The following AP5Z1 variants were observed in gnomAD, a reference collection of about 807,000 sequenced individuals.
The protein encoded by AP5Z1 is adaptor related protein complex 5 subunit zeta 1.
Under a neutral mutation model 83.0 loss-of-function variants are expected in AP5Z1, and 106 were observed. The observed-to-expected ratio is 1.28, with a 90% CI of 1.09 to 1.50. The LOEUF is 1.50. Ranked by LOEUF, AP5Z1 falls within the 40% of genes most tolerant of loss-of-function variation. The pLI is 0.00. For missense variants in AP5Z1, 1,565 were observed against 1,094.2 expected, an observed-to-expected ratio of 1.43 and a Z score of -6.07; for synonymous variants, 751 against 514.1, an observed-to-expected ratio of 1.46 and a Z score of -6.23.
At chr7:4,785,485 G>T in intron 8 of AP5Z1, 33 bp downstream of exon 8, 1 of 1,613,104 alleles carries the variant, frequency 6.2e-7, no homozygotes, top group Non-Finnish European at 8.5e-7. Context: ...ATGGGAGGCA[G>T]CGACTCGGCC....
In AP5Z1 at chr7:4,790,932, G is replaced by A. The variant is rs370333104; in HGVS notation, c.2153+45G>A. The stretch of plus-strand genomic sequence containing the variant: ...GCGAAGCCTTCTGGCTCCTGGGGAA[G>A]AGAGGTGGCTTCTGAGGTCTTCCCA... On this transcript the variant is annotated intron_variant, in intron 16 of 16. Coordinates refer to ENST00000649063, the MANE Select transcript of AP5Z1 (RefSeq NM_014855.3). The A allele has an allele frequency of 2.6e-6, 4 of 1,534,106 alleles. No individual in the cohort carries two copies. The South Asian group carries it at 3.7e-5, about 14-fold the overall frequency.
At chr7:4,785,752 C>T (rs1360093106) in intron 9 of AP5Z1, 68 bp downstream of exon 9, 40 of 1,119,006 alleles carry the variant, frequency 3.6e-5, no homozygotes, top group South Asian at 1.7e-4. Context: ...GATGGAATTT[C>T]TTCTTCCCTT....
chr7:4,781,384 G>A, intron 2 of AP5Z1, 72 bp downstream of exon 2: 1 of 1,603,604 alleles, frequency 6.2e-7, no homozygotes, highest in Non-Finnish European at 8.5e-7. Context: ...CGCCCAGCAG[G>A]TCACTGCAGA....
rs1275249251 is a variant in AP5Z1 at position 4,783,699 on chromosome 7, C to T, written c.522C>T (p.Thr174=). 7 of 1,550,570 alleles carry T rather than the reference C, an allele frequency of 4.5e-6. No homozygotes were observed. In the Admixed American group the frequency reaches 7.8e-5, roughly 17 times the overall value. ...SPGTLQEDQA[T]LLSKRLVDWL... is the part of the protein sequence containing the mutation. Reference sequence around the variant, plus strand: ...CCCCACCCACTGCAGACCAGGCCACCCTGCTCAGCAAGCGGCTGGTCGACT... The same window carrying T: ...CCCCACCCACTGCAGACCAGGCCACTCTGCTCAGCAAGCGGCTGGTCGACT... The change falls in exon 5 of 17, where the codon ACC becomes ACT. Residue 174 remains threonine, a synonymous_variant. Coordinates refer to ENST00000649063, the MANE Select transcript of AP5Z1 (RefSeq NM_014855.3).
At chr7:4,781,091 G>T (rs1781368054) in intron 1 of AP5Z1, 84 bp from the exon 2 acceptor site, 1 of 1,521,958 alleles carries the variant, frequency 6.6e-7, no homozygotes, top group Non-Finnish European at 8.9e-7. Flanking sequence ...TCTAAAGAGG[G>T]ATTTTCCCTG....
intron 10 of AP5Z1, among the ~76,000 whole-genome samples, chr7:4,787,067 C>G (rs557089817): frequency 6.6e-6 from 1 of 152,100 alleles, no homozygotes; most frequent in Non-Finnish European, 1.5e-5. Context: ...CCACCGCACC[C>G]GGCCTGGTGC....
chr7:4,790,796 G>T lies in AP5Z1; in HGVS notation c.2062G>T (p.Ala688Ser). Residue 688 changes from alanine (A) to serine (S), a missense_variant, in exon 16 of 17, where the codon GCT becomes TCT. Physicochemically the swap from Ala to Ser is moderately conservative, Grantham distance 99. Transcript: ENST00000649063. ...CGAGGTCACCCAGTGCCGCCCCTCT[G>T]CTGCCCTGCCCAGGTGTCCCCCCCA... ...LFEVTQCRPS[A>S]ALPRCPPQVV... 1 of 1,609,206 alleles carries T rather than the reference G, an allele frequency of 6.2e-7. No homozygotes were observed. The highest frequency in any genetic ancestry group is 8.5e-7 in the Non-Finnish European group (1 of 1,178,854).
At position 4,785,458 on chromosome 7, in the gene AP5Z1, T is replaced by A; in HGVS notation, c.969+6T>A. 6.2e-7 allele frequency: 1 copy of A among 1,613,416 alleles called. No individual in the cohort carries two copies. ...ACTCCGACCTGCAGAAAGCTGTAAG[T>A]GGCTGGGGACCAGGGGATGGGAGGC... On this transcript the variant is annotated splice_donor_region_variant and intron_variant, in intron 8 of 16. Coordinates refer to ENST00000649063, the MANE Select transcript of AP5Z1 (RefSeq NM_014855.3).
intron 11 of AP5Z1, 29 bp downstream of exon 11, chr7:4,787,805 C>G: frequency 6.6e-7 from 1 of 1,507,868 alleles, no homozygotes; most frequent in Non-Finnish European, 8.9e-7. Context: ...GCCAGCGCTG[C>G]GTCTCCCAGC....
At chr7:4,780,499 T>C (rs978697410) in intron 1 of AP5Z1, among the ~76,000 whole-genome samples, 2 of 151,974 alleles carry the variant, frequency 1.3e-5, no homozygotes, top group African/African-American at 2.4e-5. Flanking sequence ...GCGCGGTGGC[T>C]CACGCCTGTA....
In AP5Z1 at chr7:4,787,624, G is replaced by T. The variant is rs770895241; in HGVS notation, c.1312-10G>T. On this transcript the variant is annotated splice_polypyrimidine_tract_variant and intron_variant, in intron 10 of 16. Transcript: ENST00000649063. ...CGAGCCGTGTCCGAACCGCTGTGCT[G>T]TGCCCACAGTTCCTGGCCTGGAACA... 1.5e-5 allele frequency: 23 copies of T among 1,549,682 alleles called. No homozygotes were observed. The highest frequency in any genetic ancestry group is 2.0e-5 in the Non-Finnish European group (23 of 1,147,578).
chr7:4,792,125 A>AGGGGAGGTGTC lies in AP5Z1; in HGVS notation c.*741_*751dup, dbSNP rs1781796956. The stretch of plus-strand genomic sequence containing the variant: ...AGCTCAGAACACTGGATTCGCGCGA[A>AGGGGAGGTGTC]GGGGAGGTGTCTGGGCGTGCGGCCC... On this transcript the variant is annotated 3_prime_UTR_variant, in exon 17 of 17. Transcript: ENST00000649063. 1 of 152,236 alleles carries AGGGGAGGTGTC rather than the reference A, an allele frequency of 6.6e-6. No individual in the cohort carries two copies. Among genetic ancestry groups the AGGGGAGGTGTC allele is most frequent in the Non-Finnish European group, 1.5e-5 (1 of 68,082 alleles). The allele number at this position is 152,236 out of a possible 1,614,324, so 9.4% of individuals were successfully genotyped here. A position where few individuals can be genotyped will look rare whatever the true frequency, so the allele number is the denominator to read the frequency against.
In AP5Z1 at chr7:4,788,319, C is replaced by G. The variant is rs766511049; in HGVS notation, c.1595+25C>G. The stretch of plus-strand genomic sequence containing the variant: ...GGTACGGGGCCCTAGGGCCAGGGGG[C>G]CACCAGTGGCTCAGAGAGCCCGGCC... On this transcript the variant is annotated intron_variant, in intron 12 of 16. Transcript: ENST00000649063. The G allele has an allele frequency of 3.9e-6, 6 of 1,553,222 alleles. No homozygotes were observed. The Admixed American group carries it at 9.6e-5, about 25-fold the overall frequency.
Position 4,790,881 on chromosome 7 carries a change from T to G in AP5Z1, c.2147T>G (p.Ile716Ser), listed in dbSNP as rs1450664836. 1 of 1,601,460 alleles carries G rather than the reference T, an allele frequency of 6.2e-7. No individual in the cohort carries two copies. The highest frequency in any genetic ancestry group is 1.7e-5 in the Admixed American group (1 of 58,936). ...CTGGCCTCCCGGAGCCAAGATCTGA[T>G]CCCCAGGTGCCTGGTCAGGGAGGGA... Reference protein sequence around the residue: ...TKLASRSQDLIPRASLLLSKM... With the variant: ...TKLASRSQDLSPRASLLLSKM... The change falls in exon 16 of 17, where the codon ATC (isoleucine) becomes AGC (serine). Residue 716 changes from isoleucine (I) to serine (S), a missense_variant. Physicochemically the swap from Ile to Ser is moderately radical, Grantham distance 142. Coordinates refer to ENST00000649063, the MANE Select transcript of AP5Z1 (RefSeq NM_014855.3).
chr7:4,778,378 G>A (rs1781280374), intron 1 of AP5Z1, among the ~76,000 whole-genome samples: 1 of 152,196 alleles, frequency 6.6e-6, no homozygotes, highest in Non-Finnish European at 1.5e-5. Context: ...TGGGGGCATG[G>A]AGGGGTGCCC....
In AP5Z1 at chr7:4,786,398, C is replaced by T. The variant is rs780808681; in HGVS notation, c.1281C>T (p.Thr427=). 2 of 1,613,894 alleles carry T rather than the reference C, an allele frequency of 1.2e-6. No homozygotes were observed. Among genetic ancestry groups the T allele is most frequent in the Non-Finnish European group, 1.7e-6 (2 of 1,179,866 alleles). ...ACCTGTTCAGCGGGCACCTCAGCAC[C>T]CTCAGATTGAGCTTCCCCAACCTCT... ...NLHLFSGHLS[T]LRLSFPNLFK... The change falls in exon 10 of 17, where the codon ACC becomes ACT. Residue 427 remains threonine, a synonymous_variant. Coordinates refer to ENST00000649063, the MANE Select transcript of AP5Z1 (RefSeq NM_014855.3).
In AP5Z1 at chr7:4,790,843, C is replaced by T; in HGVS notation, c.2109C>T (p.Thr703=). The change falls in exon 16 of 17, where the codon ACC becomes ACT. Residue 703 remains threonine (T), a synonymous_variant. Coordinates refer to ENST00000649063, the MANE Select transcript of AP5Z1 (RefSeq NM_014855.3). ...CCCAGGTGGTCACCGTGCTGATGACCACGCTGACGAAGCTGGCCTCCCGGA... is the reference window on the plus strand; with the variant it reads ...CCCAGGTGGTCACCGTGCTGATGACTACGCTGACGAAGCTGGCCTCCCGGA... The part of the protein sequence containing the change: ...CPPQVVTVLM[T]TLTKLASRSQ... 1.9e-6 allele frequency: 3 copies of T among 1,608,886 alleles called. No individual in the cohort carries two copies. Among genetic ancestry groups the T allele is most frequent in the Non-Finnish European group, 2.5e-6 (3 of 1,178,640 alleles).
chr7:4,776,172 A>G (rs796097032), intron 1 of AP5Z1, among the ~76,000 whole-genome samples: 17 of 151,554 alleles, frequency 1.1e-4, no homozygotes, highest in African/African-American at 4.2e-4. Flanking sequence ...GGGGAGCTGG[A>G]GGCCATCCGA....
chr7:4,791,019 C>T, intron 16 of AP5Z1, 96 bp from the exon 17 acceptor site: 1 of 1,470,082 alleles, frequency 6.8e-7, no homozygotes, highest in Non-Finnish European at 9.0e-7. Flanking sequence ...TGAGCTAAAG[C>T]CACTCTGCTG....
Sources: allele counts gnomAD v4.1 joint callset (sites outside exome capture counted in the v4.1 genomes callset), GRCh38; gene constraint gnomAD v4.1.1; transcripts MANE v1.5; gene names NCBI Gene and HGNC (gene_info 2026-07-23, HGNC 2026-07-21).